BRINP3: variants seen among roughly 807,000 people sequenced by gnomAD.
BRINP3 encodes the protein BMP/retinoic acid-inducible neural-specific protein 3.
A neutral mutation model predicts 71.0 loss-of-function variants in BRINP3; 19 were observed. The ratio of observed to expected loss-of-function variants is 0.27; its 90% CI spans 0.19 to 0.39. The LOEUF is 0.39. Ranked by LOEUF, BRINP3 falls within the 10% of genes least tolerant of loss-of-function variation. BRINP3 has a pLI of 1.00. For missense variants in BRINP3, 959 were observed against 940.8 expected (o/e 1.02, Z -0.25); for synonymous variants, 380 against 337.7 (o/e 1.13, Z -1.37).
intron 7 of BRINP3, among the ~76,000 whole-genome samples, chr1:190,114,583 C>T (rs1041461479): frequency 3.4e-5 from 5 of 148,394 alleles, no homozygotes; most frequent in African/African-American, 7.5e-5. Flanking sequence ...TGCATTTCTA[C>T]TGGTCTCTTC....
At chr1:190,303,276 T>C (rs1008653028) in intron 2 of BRINP3, among the ~76,000 whole-genome samples, 3 of 151,792 alleles carry the variant, frequency 2.0e-5, no homozygotes, top group African/African-American at 4.8e-5. Flanking sequence ...ATGACTCTTA[T>C]AGTGATAATT....
chr1:190,111,735 T>C (rs889145122), intron 7 of BRINP3, among the ~76,000 whole-genome samples: 1 of 152,060 alleles, frequency 6.6e-6, no homozygotes, highest in Non-Finnish European at 1.5e-5. Context: ...CATTTCAAAG[T>C]CACAATCATA....
At chr1:190,203,077 G>T (rs990594708) in intron 6 of BRINP3, among the ~76,000 whole-genome samples, 1 of 151,954 alleles carries the variant, frequency 6.6e-6, no homozygotes, top group Non-Finnish European at 1.5e-5. Context: ...TTACCATTTT[G>T]ACTTGCATTC....
At chr1:190,414,521 T>G (rs1403844188) in intron 2 of BRINP3, among the ~76,000 whole-genome samples, 1 of 152,204 alleles carries the variant, frequency 6.6e-6, no homozygotes. Context: ...TGTCTTTGTA[T>G]TCTGCCATTC....
At chr1:190,132,902 G>A (rs927812953) in intron 7 of BRINP3, among the ~76,000 whole-genome samples, 7 of 152,014 alleles carry the variant, frequency 4.6e-5, no homozygotes, top group Non-Finnish European at 8.8e-5. Context: ...CAGCTAACAC[G>A]TCATAAGGAC....
At chr1:190,301,204 CATATATATATATAT>C (rs369121473) in intron 2 of BRINP3, among the ~76,000 whole-genome samples, 1,951 of 106,342 alleles carry the variant, frequency 0.018, 93 homozygotes, top group African/African-American at 0.067. Flanking sequence ...TATACACATA[CATATATATATATAT>C]ATATATATAT....
intron 5 of BRINP3, among the ~76,000 whole-genome samples, chr1:190,233,122 T>C (rs1238681085): frequency 6.6e-6 from 1 of 152,138 alleles, no homozygotes; most frequent in Non-Finnish European, 1.5e-5. Flanking sequence ...TAATTAATTT[T>C]TTTTTAATTT....
At chr1:190,254,189 G>A (rs1660427880) in intron 4 of BRINP3, among the ~76,000 whole-genome samples, 1 of 152,098 alleles carries the variant, frequency 6.6e-6, no homozygotes, top group Non-Finnish European at 1.5e-5. Context: ...ATAGTTTGAA[G>A]TCAGGTAGTG....
intron 7 of BRINP3, among the ~76,000 whole-genome samples, chr1:190,152,797 C>T (rs1487263333): frequency 1.3e-5 from 2 of 152,024 alleles, no homozygotes; most frequent in Non-Finnish European, 2.9e-5. Context: ...TATAGTCGTA[C>T]TCTGCCTAAA....
At chr1:190,158,020 C>T (rs767697309) in intron 7 of BRINP3, among the ~76,000 whole-genome samples, 27 of 152,120 alleles carry the variant, frequency 1.8e-4, no homozygotes, top group Non-Finnish European at 3.2e-4. Flanking sequence ...GAATAGAAAG[C>T]CAATTAATGT....
At chr1:190,133,428 A>G (rs577891045) in intron 7 of BRINP3, among the ~76,000 whole-genome samples, 1 of 152,106 alleles carries the variant, frequency 6.6e-6, no homozygotes, top group Non-Finnish European at 1.5e-5. Flanking sequence ...ATCCCCACAA[A>G]TCAGAGGCAG....
chr1:190,176,088 C>A (rs759755548), intron 6 of BRINP3, among the ~76,000 whole-genome samples: 4 of 152,064 alleles, frequency 2.6e-5, no homozygotes, highest in African/African-American at 4.8e-5. Flanking sequence ...ACACGTTGCA[C>A]CATATAACAA....
intron 2 of BRINP3, among the ~76,000 whole-genome samples, chr1:190,296,064 T>C (rs1664224556): frequency 6.8e-6 from 1 of 146,042 alleles, no homozygotes; most frequent in African/African-American, 2.5e-5. Context: ...TTTGCTTTTG[T>C]GGTTTTTTTT....
intron 2 of BRINP3, among the ~76,000 whole-genome samples, chr1:190,334,789 C>T (rs1166618241): frequency 6.6e-6 from 1 of 151,604 alleles, no homozygotes. Flanking sequence ...GGTGAAAATG[C>T]TGTAGTGGTT....
At chr1:190,175,914 T>C (rs907169477) in intron 6 of BRINP3, among the ~76,000 whole-genome samples, 1 of 152,152 alleles carries the variant, frequency 6.6e-6, no homozygotes, top group Non-Finnish European at 1.5e-5. Flanking sequence ...TCTTGAATCA[T>C]GGAGGCTCTA....
At chr1:190,416,694 G>A (rs1673025444) in intron 2 of BRINP3, among the ~76,000 whole-genome samples, 1 of 152,092 alleles carries the variant, frequency 6.6e-6, no homozygotes, top group Non-Finnish European at 1.5e-5. Context: ...ACCGTGAAGT[G>A]CCTTACACAT....
At position 190,338,977 on chromosome 1, in the gene BRINP3, C is replaced by T. The variant is rs1667471697; in HGVS notation, c.237-57227G>A. The stretch of plus-strand genomic sequence containing the variant: ...TATGAGAAAGTTTGCTTTTCCCCCA[C>T]AGGCAGAGTATAGCTGATTGCAAAT... On this transcript the variant is annotated intron_variant, in intron 2 of 7. Transcript: ENST00000367462. 3.3e-5 allele frequency among the ~76,000 whole-genome samples: 5 copies of T among 151,178 alleles called. No homozygotes were observed. The Admixed American group carries it at 3.3e-4, about 10-fold the overall frequency.
chr1:190,275,966 G>T (rs576132108), intron 3 of BRINP3, among the ~76,000 whole-genome samples: 174 of 151,208 alleles, frequency 1.2e-3, no homozygotes, highest in African/African-American at 3.8e-3. Context: ...TATATATAGA[G>T]AGAGAGAGAC....
chr1:190,426,637 G>C (rs1309637687), intron 2 of BRINP3, among the ~76,000 whole-genome samples: 1 of 151,582 alleles, frequency 6.6e-6, no homozygotes, highest in African/African-American at 2.4e-5. Context: ...AAACAAATTT[G>C]GTTGTCTCTG....
Sources: allele counts gnomAD v4.1 joint callset (sites outside exome capture counted in the v4.1 genomes callset), GRCh38; gene constraint gnomAD v4.1.1; transcripts MANE v1.5; gene names NCBI Gene and HGNC (gene_info 2026-07-23, HGNC 2026-07-21).